Variants in POLK observed in about 807,000 individuals in gnomAD.
POLK encodes the protein polymerase (DNA directed) kappa.
POLK carries 76 observed loss-of-function variants against 94.0 expected under a neutral mutation model. The observed-to-expected ratio is 0.81, with a 90% CI of 0.67 to 0.98. The LOEUF (loss-of-function observed/expected upper bound fraction) is 0.98, where lower values mean the gene tolerates loss of function less well. Ranked by LOEUF, POLK falls within the 50% of genes least tolerant of loss-of-function variation. The probability of loss-of-function intolerance (pLI) is 0.00; values close to 1 mark genes in which losing one functional copy is unlikely to be tolerated. For missense variants in POLK, 954 were observed against 1,010.1 expected (o/e 0.94, Z 0.75); for synonymous variants, 349 against 325.4 (o/e 1.07, Z -0.78).
At chr5:75,578,236 A>G (rs894205637) in intron 6 of POLK, among the ~76,000 whole-genome samples, 8 of 151,906 alleles carry the variant, frequency 5.3e-5, no homozygotes, top group African/African-American at 1.9e-4. Context: ...GCTCACTGCA[A>G]CCTCCGCCTC....
At chr5:75,540,830 T>A (rs1196663056) in intron 1 of POLK, among the ~76,000 whole-genome samples, 1 of 152,170 alleles carries the variant, frequency 6.6e-6, no homozygotes, top group Non-Finnish European at 1.5e-5. Context: ...CCTATCTCCT[T>A]CATGTTGATT....
chr5:75,515,775 C>T (rs2112517478), intron 1 of POLK, among the ~76,000 whole-genome samples: 1 of 152,272 alleles, frequency 6.6e-6, no homozygotes, highest in Non-Finnish European at 1.5e-5. Context: ...ATCCATTATT[C>T]TCTATCTTTT....
chr5:75,602,390 A>G (rs1773314638), downstream of POLK, among the ~76,000 whole-genome samples: 2 of 152,178 alleles, frequency 1.3e-5, no homozygotes, highest in Non-Finnish European at 1.5e-5. Flanking sequence ...CTAGAACACT[A>G]TTATCAAACT....
chr5:75,581,990 T>C (rs1772219346), intron 7 of POLK: 2 of 984,540 alleles, frequency 2.0e-6, no homozygotes, highest in South Asian at 4.7e-5. Context: ...ATAAATTTCA[T>C]ATAGCTATCT....
downstream of POLK, among the ~76,000 whole-genome samples, chr5:75,605,259 G>A (rs996332112): frequency 3.9e-5 from 6 of 151,946 alleles, no homozygotes; most frequent in African/African-American, 1.2e-4. Flanking sequence ...CTTATCAGTT[G>A]TCTAATATCT....
chr5:75,594,381 T>C (rs1772959984), intron 12 of POLK, among the ~76,000 whole-genome samples: 1 of 152,262 alleles, frequency 6.6e-6, no homozygotes, highest in Non-Finnish European at 1.5e-5. Flanking sequence ...TACGAAGTTC[T>C]TCCTTTGCTG....
At chr5:75,539,016 C>G (rs1769599458) in intron 1 of POLK, among the ~76,000 whole-genome samples, 1 of 152,166 alleles carries the variant, frequency 6.6e-6, no homozygotes, top group Non-Finnish European at 1.5e-5. Context: ...AGGTGATCCA[C>G]CCGCCTCAGC....
intron 1 of POLK, among the ~76,000 whole-genome samples, chr5:75,533,528 G>A (rs747904842): frequency 6.6e-6 from 1 of 152,164 alleles, no homozygotes; most frequent in Non-Finnish European, 1.5e-5. Flanking sequence ...GATGCCTCCA[G>A]CTTTGTTCTT....
intron 1 of POLK, among the ~76,000 whole-genome samples, chr5:75,531,490 T>C (rs1388194940): frequency 6.6e-6 from 1 of 152,010 alleles, no homozygotes; most frequent in African/African-American, 2.4e-5. Context: ...TGCTTATCCA[T>C]ATGAGATAAT....
intron 1 of POLK, among the ~76,000 whole-genome samples, chr5:75,541,911 A>G (rs1038864999): frequency 4.6e-5 from 7 of 152,302 alleles, no homozygotes; most frequent in Non-Finnish European, 1.0e-4. Flanking sequence ...TTGAATTGTG[A>G]TTTTTTATTT....
At chr5:75,591,205 T>C (rs529017002) in intron 11 of POLK, among the ~76,000 whole-genome samples, 1 of 152,260 alleles carries the variant, frequency 6.6e-6, no homozygotes, top group Admixed American at 6.5e-5. Context: ...TTTAAGGTGA[T>C]AGATATCCGA....
At chr5:75,532,987 A>G (rs2112578514) in intron 1 of POLK, among the ~76,000 whole-genome samples, 1 of 152,072 alleles carries the variant, frequency 6.6e-6, no homozygotes, top group East Asian at 1.9e-4. Context: ...TGGATATTAG[A>G]CCTTTCTTGG....
At chr5:75,545,694 AAGG>A (rs1300433865) in intron 1 of POLK, among the ~76,000 whole-genome samples, 2 of 152,116 alleles carry the variant, frequency 1.3e-5, no homozygotes, top group Non-Finnish European at 2.9e-5. Context: ...TTGCCTTAAG[AAGG>A]AGATCTGCAT....
At chr5:75,526,392 C>G (rs980173188) in intron 1 of POLK, among the ~76,000 whole-genome samples, 5 of 151,964 alleles carry the variant, frequency 3.3e-5, no homozygotes, top group Non-Finnish European at 7.4e-5. Flanking sequence ...TAAAAAACCT[C>G]AGCACCTAAT....
At chr5:75,595,929 G>A (rs926752597) in intron 12 of POLK, among the ~76,000 whole-genome samples, 12 of 152,122 alleles carry the variant, frequency 7.9e-5, no homozygotes, top group Non-Finnish European at 1.6e-4. Context: ...AAGAGCTAAA[G>A]AGTCTGTATA....
At chr5:75,510,818 T>G (rs1767924628), upstream of POLK, among the ~76,000 whole-genome samples, 1 of 152,102 alleles carries the variant, frequency 6.6e-6, no homozygotes, top group Non-Finnish European at 1.5e-5. Context: ...CCGGATTCCT[T>G]ACACCCGGGA....
downstream of POLK, among the ~76,000 whole-genome samples, chr5:75,601,709 A>G (rs1226215904): frequency 6.6e-6 from 1 of 152,174 alleles, no homozygotes; most frequent in African/African-American, 2.4e-5. Context: ...GTGATTTGCC[A>G]GGGACTATCA....
At chr5:75,607,602 C>T in the POLK span, among the ~76,000 whole-genome samples, 3 of 152,150 alleles carry the variant, frequency 2.0e-5, no homozygotes, top group East Asian at 5.8e-4. Context: ...CAGATGCTGC[C>T]GTTTACACCT....
exon 15 of POLK, chr5:75,598,889 T>C (rs1418638702): frequency 1.3e-5 from 2 of 152,120 alleles, no homozygotes; most frequent in Non-Finnish European, 2.9e-5. Flanking sequence ...AGCTTAATAG[T>C]AGTTAGCTTA....
Sources: gnomAD v4.1 joint callset for allele counts (sites outside exome capture counted in the v4.1 genomes callset) on GRCh38, gnomAD v4.1.1 for gene constraint, MANE v1.5 for transcripts, NCBI Gene and HGNC (gene_info 2026-07-23, HGNC 2026-07-21) for gene names.